The following FPR3 variants were observed in gnomAD, a reference collection of about 807,000 sequenced individuals.
FPR3 encodes the protein N-formyl peptide receptor 3.
For missense variants in FPR3, 346 were observed against 443.2 expected, an observed-to-expected ratio of 0.78 and a Z score of 1.97; for synonymous variants, 135 against 163.6, an observed-to-expected ratio of 0.83 and a Z score of 1.34.
At chr19:51,812,151 TTAAAG>T (rs2084101716) in intron 1 of FPR3, among the ~76,000 whole-genome samples, 1 of 152,176 alleles carries the variant, frequency 6.6e-6, no homozygotes, top group South Asian at 2.1e-4. Flanking sequence ...TACATTAAAA[TTAAAG>T]TAAATTGTTT....
chr19:51,801,540 G>A (rs925735418), intron 1 of FPR3, among the ~76,000 whole-genome samples: 5 of 152,172 alleles, frequency 3.3e-5, no homozygotes, highest in Non-Finnish European at 7.4e-5. Context: ...CAGCACTTTA[G>A]GAGGCCGAAG....
rs375813636 is a variant in FPR3, at chr19:51,797,914, G to A, written c.-11+2583G>A. ...TTTTTTTTTTTTGAGACGGAGTCTC[G>A]CTCTGTTGCCAAGCTGGAGTGTAGT... On this transcript the variant is annotated intron_variant, in intron 1 of 1. Transcript: ENST00000339223. 8.7e-4 allele frequency among the ~76,000 whole-genome samples: 103 copies of A among 118,060 alleles called. 1 individual carries two copies. The highest frequency in any genetic ancestry group is 0.016 in the Middle Eastern group (2 of 124). 77.5% of individuals were successfully genotyped at this position (118,060 alleles called of 152,430 possible). A position where few individuals can be genotyped will look rare whatever the true frequency, so the allele number is the denominator to read the frequency against.
At chr19:51,799,572 A>G (rs2084017698) in intron 1 of FPR3, among the ~76,000 whole-genome samples, 1 of 152,214 alleles carries the variant, frequency 6.6e-6, no homozygotes. Context: ...CCCAGACGGC[A>G]CTACTGCTTG....
intron 1 of FPR3, among the ~76,000 whole-genome samples, 169 bp downstream of exon 1, chr19:51,795,500 C>CTTT (rs1568425551): frequency 2.5e-4 from 15 of 61,082 alleles, no homozygotes; most frequent in Admixed American, 2.3e-3. Context: ...GTTCCAGTAA[C>CTTT]ATTCTTTTTT....
At chr19:51,803,213 G>A (rs540688552) in intron 1 of FPR3, among the ~76,000 whole-genome samples, 3 of 152,072 alleles carry the variant, frequency 2.0e-5, no homozygotes, top group Non-Finnish European at 2.9e-5. Context: ...CCTCATGTGC[G>A]CAATATTTAT....
intron 1 of FPR3, among the ~76,000 whole-genome samples, chr19:51,800,118 C>CGA (rs1375309531): frequency 2.0e-5 from 3 of 152,226 alleles, no homozygotes; most frequent in Non-Finnish European, 2.9e-5. Context: ...TCGCCTAACT[C>CGA]TAACCTGTGA....
At chr19:51,816,279 C>G (rs777008835) in intron 1 of FPR3, among the ~76,000 whole-genome samples, 1 of 152,208 alleles carries the variant, frequency 6.6e-6, no homozygotes, top group African/African-American at 2.4e-5. Flanking sequence ...CAGAATCTCA[C>G]TCTATTGCCC....
Position 51,824,128 on chromosome 19 carries a change from T to C in FPR3, c.380T>C (p.Val127Ala), listed in dbSNP as rs2084212415. 10 of 1,613,984 alleles carry C rather than the reference T, an allele frequency of 6.2e-6. No homozygotes were observed. The highest frequency in any genetic ancestry group is 8.5e-6 in the Non-Finnish European group (10 of 1,179,908). Residue 127 changes from valine to alanine, a missense_variant, in exon 2 of 2, where the codon GTC (valine) becomes GCC (alanine). Physicochemically the swap from Val to Ala is moderately conservative, Grantham distance 64. Coordinates refer to ENST00000339223, the MANE Select transcript of FPR3 (RefSeq NM_002030.5). The surrounding 1 kb of genome is among the most constrained non-coding windows in gnomAD (Gnocchi z 4.7). ...ATTGCTCTGGACCGCTGTATTTGTG[T>C]CCTGCATCCAGCCTGGGCCCAGAAC... ...TIIALDRCIC[V>A]LHPAWAQNHR... is the part of the protein sequence containing the mutation.
At chr19:51,803,248 C>T (rs1294062291) in intron 1 of FPR3, among the ~76,000 whole-genome samples, 1 of 152,182 alleles carries the variant, frequency 6.6e-6, no homozygotes, top group East Asian at 1.9e-4. Flanking sequence ...CTTCCATTTT[C>T]ATGAACACCT....
intron 1 of FPR3, among the ~76,000 whole-genome samples, chr19:51,818,740 TGG>T (rs2084164240): frequency 6.6e-6 from 1 of 152,168 alleles, no homozygotes; most frequent in African/African-American, 2.4e-5. Flanking sequence ...GAGTCCACCA[TGG>T]GTCCAGCACA....
chr19:51,797,877 CTTTTTTTTTTTTT>C (rs753127261), intron 1 of FPR3, among the ~76,000 whole-genome samples: 2 of 71,518 alleles, frequency 2.8e-5, no homozygotes, highest in African/African-American at 1.2e-4. Flanking sequence ...CATGTCTATT[CTTTTTTTTTTTTT>C]TTTTTTTTTT....
At chr19:51,795,501 A>AT (rs1361472024) in intron 1 of FPR3, among the ~76,000 whole-genome samples, 170 bp downstream of exon 1, 108 of 77,024 alleles carry the variant, frequency 1.4e-3, no homozygotes, top group African/African-American at 3.5e-3. Context: ...TTCCAGTAAC[A>AT]TTCTTTTTTT....
At chr19:51,797,095 G>A (rs1319851137) in intron 1 of FPR3, among the ~76,000 whole-genome samples, 1 of 152,184 alleles carries the variant, frequency 6.6e-6, no homozygotes, top group Non-Finnish European at 1.5e-5. Flanking sequence ...GGAAAAATGT[G>A]TTTGAAAAGG....
intron 1 of FPR3, among the ~76,000 whole-genome samples, chr19:51,813,661 T>C (rs978588632): frequency 6.6e-6 from 1 of 151,874 alleles, no homozygotes; most frequent in African/African-American, 2.4e-5. Context: ...CTCCCGAATA[T>C]CTGGGACTAG....
intron 1 of FPR3, among the ~76,000 whole-genome samples, chr19:51,813,119 A>AC (rs2084109008): frequency 1.5e-5 from 2 of 137,122 alleles, no homozygotes; most frequent in African/African-American, 5.4e-5. Context: ...GCTCTGTCTC[A>AC]ACACACACAC....
At position 51,824,662 on chromosome 19, in the gene FPR3, T is replaced by C; in HGVS notation, c.914T>C (p.Met305Thr). 1 of 1,614,156 alleles carries C rather than the reference T, an allele frequency of 6.2e-7. No individual in the cohort carries two copies. Among genetic ancestry groups the C allele is most frequent in the South Asian group, 1.1e-5 (1 of 91,090 alleles). ...SCLNPILYVFMGRNFQERLIR... is the reference protein window; with the variant it reads ...SCLNPILYVFTGRNFQERLIR... ...CTCAACCCAATTCTCTACGTCTTTA[T>C]GGGTCGTAACTTCCAAGAAAGACTG... Residue 305 changes from methionine (M) to threonine (T), a missense_variant, in exon 2 of 2, where the codon ATG becomes ACG. Met to Thr is a moderately conservative substitution (Grantham distance 81). Transcript: ENST00000339223. The surrounding 1 kb of genome is among the most constrained non-coding windows in gnomAD (Gnocchi z 4.7).
At chr19:51,797,367 G>T (rs774609798) in intron 1 of FPR3, among the ~76,000 whole-genome samples, 1 of 152,120 alleles carries the variant, frequency 6.6e-6, no homozygotes, top group Non-Finnish European at 1.5e-5. Context: ...GAGGTCATTT[G>T]GCTAGATAGG....
intron 1 of FPR3, among the ~76,000 whole-genome samples, chr19:51,821,825 T>C (rs1034343674): frequency 6.6e-6 from 1 of 151,590 alleles, no homozygotes; most frequent in African/African-American, 2.4e-5. Context: ...TTCCCTCTGG[T>C]ACAAAAAGGG....
intron 1 of FPR3, among the ~76,000 whole-genome samples, chr19:51,818,568 G>A (rs2084162241): frequency 6.6e-6 from 1 of 152,166 alleles, no homozygotes; most frequent in Non-Finnish European, 1.5e-5. Context: ...TTTGCAAATG[G>A]GTTAAGAGAA....
Sources: allele counts gnomAD v4.1 joint callset (sites outside exome capture counted in the v4.1 genomes callset), GRCh38; gene constraint gnomAD v4.1.1; non-coding constraint Gnocchi (gnomAD v3.1); transcripts MANE v1.5; gene names NCBI Gene and HGNC (gene_info 2026-07-23, HGNC 2026-07-21).